Variants in PRKAG2 observed in about 807,000 individuals in gnomAD.
PRKAG2 encodes protein kinase AMP-activated non-catalytic subunit gamma 2.
Under a neutral mutation model 69.6 loss-of-function variants are expected in PRKAG2, and 26 were observed. The ratio of observed to expected loss-of-function variants is 0.37; its 90% CI spans 0.27 to 0.52. The LOEUF (loss-of-function observed/expected upper bound fraction) is 0.52. PRKAG2 is among the 20% of genes least tolerant of loss of function. The pLI is 0.90. For missense variants in PRKAG2, 557 were observed against 740.0 expected (o/e 0.75, Z 2.87); for synonymous variants, 293 against 285.0 (o/e 1.03, Z -0.28).
intron 5 of PRKAG2, among the ~76,000 whole-genome samples, chr7:151,619,682 A>G (rs1368354489): frequency 6.6e-6 from 1 of 152,204 alleles, no homozygotes; most frequent in Non-Finnish European, 1.5e-5. Context: ...CATCCCCAAG[A>G]TATCTCATTA....
chr7:151,857,669 A>C (rs560788017), intron 1 of PRKAG2, among the ~76,000 whole-genome samples: 44 of 152,310 alleles, frequency 2.9e-4, no homozygotes, highest in Admixed American at 4.6e-4. Flanking sequence ...ACCAGCACAC[A>C]GCTGTGTGGG....
chr7:151,727,895 A>G (rs901032678), intron 3 of PRKAG2, among the ~76,000 whole-genome samples: 19 of 152,166 alleles, frequency 1.2e-4, no homozygotes, highest in African/African-American at 4.6e-4. Flanking sequence ...TGAGTCATCA[A>G]AACTTCCTCC....
chr7:151,622,809 G>A (rs190236821), intron 5 of PRKAG2, among the ~76,000 whole-genome samples: 144 of 152,236 alleles, frequency 9.5e-4, no homozygotes, highest in Non-Finnish European at 1.8e-3. Flanking sequence ...GAACAGAATC[G>A]CTGGAATCAC....
chr7:151,778,682 T>G (rs1221267339), intron 3 of PRKAG2, among the ~76,000 whole-genome samples: 1 of 152,184 alleles, frequency 6.6e-6, no homozygotes, highest in Non-Finnish European at 1.5e-5. Context: ...ACCCGCAACT[T>G]CTGTTCCACA....
intron 3 of PRKAG2, among the ~76,000 whole-genome samples, chr7:151,733,083 G>T (rs1799219707): frequency 6.6e-6 from 1 of 152,204 alleles, no homozygotes; most frequent in African/African-American, 2.4e-5. Context: ...GGGAGGGCTT[G>T]GTCAACACTC....
intron 9 of PRKAG2, chr7:151,572,452 T>C: frequency 4.6e-6 from 2 of 432,358 alleles, no homozygotes; most frequent in Non-Finnish European, 8.4e-6. Flanking sequence ...GCTGAAGGTG[T>C]CCTATACATG....
intron 5 of PRKAG2, among the ~76,000 whole-genome samples, chr7:151,629,459 A>G (rs1462132153): frequency 6.6e-6 from 1 of 152,196 alleles, no homozygotes; most frequent in Non-Finnish European, 1.5e-5. Flanking sequence ...GAACGTGGTC[A>G]AGACCTTCCC....
At chr7:151,775,260 C>G (rs1011011996) in intron 3 of PRKAG2, among the ~76,000 whole-genome samples, 9 of 151,970 alleles carry the variant, frequency 5.9e-5, no homozygotes, top group African/African-American at 2.2e-4. Flanking sequence ...CTGCGTGATC[C>G]TACCCCCCAC....
At chr7:151,732,854 G>A (rs553673869) in intron 3 of PRKAG2, among the ~76,000 whole-genome samples, 5 of 152,068 alleles carry the variant, frequency 3.3e-5, no homozygotes, top group South Asian at 2.1e-4. Flanking sequence ...TAACACCCCC[G>A]GCCAATTTTT....
chr7:151,818,765 C>G (rs2078704240), intron 1 of PRKAG2, among the ~76,000 whole-genome samples: 3 of 152,226 alleles, frequency 2.0e-5, no homozygotes, highest in Admixed American at 2.0e-4. Context: ...TGGGAGCTGG[C>G]AGCTGGGGAT....
intron 1 of PRKAG2, among the ~76,000 whole-genome samples, chr7:151,840,898 C>T (rs1248186154): frequency 6.6e-6 from 1 of 152,232 alleles, no homozygotes; most frequent in East Asian, 1.9e-4. Context: ...ACTTGCGACG[C>T]TGGGGCAGGA....
chr7:151,778,558 T>C (rs1423128418), intron 3 of PRKAG2, among the ~76,000 whole-genome samples: 1 of 152,192 alleles, frequency 6.6e-6, no homozygotes, highest in African/African-American at 2.4e-5. Context: ...CCATGCCTTC[T>C]CCAAGCCCTG....
chr7:151,651,956 A>G (rs376167052), intron 4 of PRKAG2, among the ~76,000 whole-genome samples: 1 of 152,208 alleles, frequency 6.6e-6, no homozygotes, highest in Admixed American at 6.5e-5. Flanking sequence ...TTTCAGTTTC[A>G]TGGGAGAAAT....
At chr7:151,686,689 T>A (rs1430204409) in intron 3 of PRKAG2, among the ~76,000 whole-genome samples, 1 of 152,078 alleles carries the variant, frequency 6.6e-6, no homozygotes, top group Non-Finnish European at 1.5e-5. Context: ...CAGGACCCCC[T>A]CTCTCAGCAG....
chr7:151,856,936 G>T (rs1415469192), intron 1 of PRKAG2, among the ~76,000 whole-genome samples: 3 of 152,100 alleles, frequency 2.0e-5, no homozygotes, highest in Non-Finnish European at 4.4e-5. Context: ...AAAGAGGAAA[G>T]AAACAGAAAA....
intron 3 of PRKAG2, among the ~76,000 whole-genome samples, chr7:151,728,826 A>G (rs540530875): frequency 3.4e-4 from 52 of 152,154 alleles, no homozygotes; most frequent in Admixed American, 5.2e-4. Flanking sequence ...ACCAGCGCCC[A>G]GCCCCGTCCA....
In PRKAG2 at chr7:151,807,938, T is replaced by G. The variant is rs115462306; in HGVS notation, c.115-21397A>C. ...GGACGCTAGACTCAAGGGAAGGCTC[T>G]GGAGGAAGGAAGAGGCTAAAGGCAT... is the stretch of plus-strand genomic sequence containing the variant. On this transcript the variant is annotated intron_variant, in intron 1 of 15. Coordinates refer to ENST00000287878, the MANE Select transcript of PRKAG2 (RefSeq NM_016203.4). The surrounding 1 kb of genome is among the most constrained non-coding windows in gnomAD (Gnocchi z 4.4). Among the ~76,000 whole-genome samples, 1,506 of 152,278 alleles carry G rather than the reference T, an allele frequency of 9.9e-3. 23 individuals carry two copies. The highest frequency in any genetic ancestry group is 0.032 in the African/African-American group (1,333 of 41,550).
At position 151,567,958 on chromosome 7, in the gene PRKAG2, T is replaced by A. The variant is rs1406445119; in HGVS notation, c.1233+758A>T. Among the ~76,000 whole-genome samples the A allele has an allele frequency of 6.6e-6, 1 of 152,188 alleles. No individual in the cohort carries two copies. The highest frequency in any genetic ancestry group is 1.5e-5 in the Non-Finnish European group (1 of 68,032). On this transcript the variant is annotated intron_variant, in intron 11 of 15. Transcript: ENST00000287878. This position sits in a 1 kb window ranked among gnomAD's most constrained non-coding sequence, Gnocchi z 4.2. ...AGTACATTTTTAATATCTGTTACAG[T>A]CTTGGAAAAACAACTCTTCAAAGTA...
intron 3 of PRKAG2, among the ~76,000 whole-genome samples, chr7:151,740,164 T>C (rs1368488052): frequency 3.3e-5 from 5 of 152,200 alleles, no homozygotes; most frequent in Non-Finnish European, 7.4e-5. Flanking sequence ...CTGGAGGGAC[T>C]ACCTGGCCAG....
Sources: allele counts gnomAD v4.1 joint callset (sites outside exome capture counted in the v4.1 genomes callset), GRCh38; gene constraint gnomAD v4.1.1; non-coding constraint Gnocchi (gnomAD v3.1); transcripts MANE v1.5; gene names NCBI Gene and HGNC (gene_info 2026-07-23, HGNC 2026-07-21).